ZNF706: variants seen among roughly 807,000 people sequenced by gnomAD.
ZNF706 encodes transcriptional regulator ZNF706.
ZNF706 carries 4 observed loss-of-function variants against 9.2 expected under a neutral mutation model. That is an observed-to-expected ratio of 0.43 (90% CI 0.21 to 0.99). The LOEUF is 0.99. ZNF706 is among the 50% of genes least tolerant of loss of function. ZNF706 has a pLI of 0.26. For missense variants in ZNF706, 27 were observed against 87.8 expected (o/e 0.31, Z 2.77); for synonymous variants, 28 against 27.3 (o/e 1.03, Z -0.08).
At position 101,201,528 on chromosome 8, in the gene ZNF706, C is replaced by T. The variant is rs1810554019; in HGVS notation, c.135+79G>A. The stretch of plus-strand genomic sequence containing the variant: ...TATTTCATGTAAAGCATCTATTTTG[C>T]CATGGTTTCAAAATTTTAATCTATT... On this transcript the variant is annotated intron_variant, in intron 2 of 3. Transcript: ENST00000311212. This position sits in a 1 kb window ranked among gnomAD's most constrained non-coding sequence, Gnocchi z 4.5. 1 of 1,299,608 alleles carries T rather than the reference C, an allele frequency of 7.7e-7. No homozygotes were observed. Among genetic ancestry groups the T allele is most frequent in the Non-Finnish European group, 1.1e-6 (1 of 938,732 alleles). The allele number at this position is 1,299,608 out of a possible 1,614,324, so 80.5% of individuals were successfully genotyped here.
At position 101,198,747 on chromosome 8, in the gene ZNF706, T is replaced by G. The variant is rs970558312; in HGVS notation, c.*505A>C. On this transcript the variant is annotated 3_prime_UTR_variant, in exon 4 of 4. Coordinates refer to ENST00000311212, the MANE Select transcript of ZNF706 (RefSeq NM_016096.5). Reference sequence around the variant, plus strand: ...GTCATTTTTCACCTAGATCATCAGCTGCCCATAAAATCGTATGCACAATTT... The same window carrying G: ...GTCATTTTTCACCTAGATCATCAGCGGCCCATAAAATCGTATGCACAATTT... 6.5e-6 allele frequency: 1 copy of G among 153,396 alleles called. No homozygotes were observed. The highest frequency in any genetic ancestry group is 2.4e-5 in the African/African-American group (1 of 41,470). 9.5% of individuals were successfully genotyped at this position (153,396 alleles called of 1,614,324 possible). A position where few individuals can be genotyped will look rare whatever the true frequency, so the allele number is the denominator to read the frequency against.
In ZNF706 at chr8:101,201,532, G is replaced by C. The variant is rs900432102; in HGVS notation, c.135+75C>G. ...TCATGTAAAGCATCTATTTTGCCAT[G>C]GTTTCAAAATTTTAATCTATTCAAG... On this transcript the variant is annotated intron_variant, in intron 2 of 3. Coordinates refer to ENST00000311212, the MANE Select transcript of ZNF706 (RefSeq NM_016096.5). This position sits in a 1 kb window ranked among gnomAD's most constrained non-coding sequence, Gnocchi z 4.5. 1 of 1,346,574 alleles carries C rather than the reference G, an allele frequency of 7.4e-7. No individual in the cohort carries two copies. The highest frequency in any genetic ancestry group is 1.5e-5 in the African/African-American group (1 of 67,534). 83.4% of individuals were successfully genotyped at this position (1,346,574 alleles called of 1,614,324 possible).
intron 1 of ZNF706, chr8:101,204,729 A>G: frequency 1.0e-6 from 1 of 985,480 alleles, no homozygotes; most frequent in Non-Finnish European, 1.2e-6. Context: ...AACGAGTTCT[A>G]AAATGAGGCG....
Position 101,199,196 on chromosome 8 carries a change from T to G in ZNF706, c.*56A>C. On this transcript the variant is annotated 3_prime_UTR_variant, in exon 4 of 4. Transcript: ENST00000311212. ...GAAAAGCAGCTGCAGGTATGTTACC[T>G]AAGGTCTGAGACAGTAGAAGAGTCA... is the stretch of plus-strand genomic sequence containing the variant. 1 of 699,078 alleles carries G rather than the reference T, an allele frequency of 1.4e-6. No homozygotes were observed. 43.3% of individuals were successfully genotyped at this position (699,078 alleles called of 1,614,324 possible).
chr8:101,201,553 T>A lies in ZNF706; in HGVS notation c.135+54A>T. The A allele has an allele frequency of 1.9e-6, 3 of 1,560,784 alleles. No homozygotes were observed. The South Asian group carries it at 3.6e-5, about 19-fold the overall frequency. ...CCATGGTTTCAAAATTTTAATCTAT[T>A]CAAGCCAAAACTGCCCACGGGAGAG... is the stretch of plus-strand genomic sequence containing the variant. On this transcript the variant is annotated intron_variant, in intron 2 of 3. Transcript: ENST00000311212. The surrounding 1 kb of genome is among the most constrained non-coding windows in gnomAD (Gnocchi z 4.5).
At chr8:101,200,303 G>A (rs1189007292) in intron 2 of ZNF706, 1 of 473,360 alleles carries the variant, frequency 2.1e-6, no homozygotes, top group Non-Finnish European at 3.9e-6. Flanking sequence ...AGAAAGGTAG[G>A]TCACATAGAA....
chr8:101,204,204 T>C (rs1810667794), intron 1 of ZNF706: 1 of 152,260 alleles, frequency 6.6e-6, no homozygotes, highest in Admixed American at 6.5e-5. Context: ...TATTTCCATG[T>C]TGTGACTCGT....
chr8:101,205,759 C>G (rs1586271421), upstream of ZNF706: 1 of 153,166 alleles, frequency 6.5e-6, no homozygotes, highest in East Asian at 1.9e-4. The surrounding 1 kb of genome is among the most constrained non-coding windows in gnomAD (Gnocchi z 6.6). Context: ...GCCCCCACCC[C>G]GCTCGCACGC....
intron 2 of ZNF706, chr8:101,200,309 T>C (rs1222638665): frequency 8.7e-6 from 4 of 461,632 alleles, no homozygotes; most frequent in Non-Finnish European, 1.6e-5. Context: ...GTAGGTCACA[T>C]AGAATGTATT....
chr8:101,204,975 G>C (rs998853625), intron 1 of ZNF706: 41 of 982,696 alleles, frequency 4.2e-5, no homozygotes, highest in Non-Finnish European at 5.0e-5. Flanking sequence ...ACACTTCTCC[G>C]ACCCCAGCTT....
chr8:101,204,858 G>C, intron 1 of ZNF706: 1 of 985,604 alleles, frequency 1.0e-6, no homozygotes, highest in Non-Finnish European at 1.2e-6. Context: ...CATAACCATC[G>C]GAAAGGAAGA....
At chr8:101,199,882 G>A (rs1022048005) in intron 3 of ZNF706, 108 bp downstream of exon 3, 1 of 734,738 alleles carries the variant, frequency 1.4e-6, no homozygotes, top group African/African-American at 1.8e-5. Flanking sequence ...AAAAGGGGAA[G>A]CAATAAAATC....
chr8:101,199,346 A>C (rs917820197), intron 3 of ZNF706, 107 bp from the exon 4 acceptor site: 2 of 654,780 alleles, frequency 3.1e-6, no homozygotes, highest in African/African-American at 3.6e-5. Flanking sequence ...ATATCTGGTA[A>C]ACTTGTCAAC....
In ZNF706 at chr8:101,200,050, C is replaced by T. The variant is rs1810503659; in HGVS notation, c.183G>A (p.Lys61=). Residue 61 remains lysine (K), a synonymous_variant, in exon 3 of 4, where the codon AAG becomes AAA. Coordinates refer to ENST00000311212, the MANE Select transcript of ZNF706 (RefSeq NM_016096.5). ...CTGGAGGAAGTGGAGTCTTAGGATG[C>T]TTGCTCTCAAAGTGCTGCTTGAAGG... The part of the protein sequence containing the change: ...PKTFKQHFES[K]HPKTPLPPEL... 3.7e-6 allele frequency: 6 copies of T among 1,612,278 alleles called. No individual in the cohort carries two copies. The highest frequency in any genetic ancestry group is 4.2e-6 in the Non-Finnish European group (5 of 1,179,672).
In ZNF706 at chr8:101,201,083, C is replaced by T; in HGVS notation, c.135+524G>A. The T allele has an allele frequency of 6.1e-6, 1 of 162,898 alleles. No individual in the cohort carries two copies. The highest frequency in any genetic ancestry group is 1.4e-5 in the Non-Finnish European group (1 of 73,066). The allele number at this position is 162,898 out of a possible 1,614,324, so 10.1% of individuals were successfully genotyped here. A position where few individuals can be genotyped will look rare whatever the true frequency, so the allele number is the denominator to read the frequency against. On this transcript the variant is annotated intron_variant, in intron 2 of 3. Transcript: ENST00000311212. This position sits in a 1 kb window ranked among gnomAD's most constrained non-coding sequence, Gnocchi z 4.5. ...TAAATAGGTGAATACATGTAAAACA[C>T]CTGGCTCTATGTGTGGCATATGGTA...
rs1457504326 is a variant in ZNF706, at chr8:101,201,758, T to C, written c.-2-15A>G. 4 of 1,613,730 alleles carry C rather than the reference T, an allele frequency of 2.5e-6. No homozygotes were observed. In the African/African-American group the frequency reaches 4.0e-5, roughly 16 times the overall value. On this transcript the variant is annotated splice_polypyrimidine_tract_variant and intron_variant, in intron 1 of 3. Coordinates refer to ENST00000311212, the MANE Select transcript of ZNF706 (RefSeq NM_016096.5). The surrounding 1 kb of genome is among the most constrained non-coding windows in gnomAD (Gnocchi z 4.5). ...ACGAGCCATATCTAAAAACAGAAGG[T>C]GAAGCATTAGAGTGGCTTATTTACT...
At chr8:101,203,973 T>C (rs962433425) in intron 1 of ZNF706, 1 of 152,220 alleles carries the variant, frequency 6.6e-6, no homozygotes, top group East Asian at 1.9e-4. Context: ...TGTATACCAA[T>C]GTTTTGCAAG....
Position 101,198,507 on chromosome 8 carries a change from T to C in ZNF706, c.*745A>G, listed in dbSNP as rs567624796. 6.6e-6 allele frequency: 1 copy of C among 152,324 alleles called. No homozygotes were observed. Among genetic ancestry groups the C allele is most frequent in the African/African-American group, 2.4e-5 (1 of 41,584 alleles). 9.4% of individuals were successfully genotyped at this position (152,324 alleles called of 1,614,324 possible). ...TGCATTAAACAATAGGCTTAATGAT[T>C]ATTTCATTACGGCATATACATTAGA... On this transcript the variant is annotated 3_prime_UTR_variant, in exon 4 of 4. Coordinates refer to ENST00000311212, the MANE Select transcript of ZNF706 (RefSeq NM_016096.5).
chr8:101,201,019 C>A lies in ZNF706; in HGVS notation c.135+588G>T, dbSNP rs1211042765. Reference sequence around the variant, plus strand: ...AGTTTACTCTTCTGTAAAATGAGAACAATAAAAGTACTTTATCTTATAGGG... The same window carrying A: ...AGTTTACTCTTCTGTAAAATGAGAAAAATAAAAGTACTTTATCTTATAGGG... On this transcript the variant is annotated intron_variant, in intron 2 of 3. Transcript: ENST00000311212. The surrounding 1 kb of genome is among the most constrained non-coding windows in gnomAD (Gnocchi z 4.5). The A allele has an allele frequency of 4.1e-6, 1 of 246,620 alleles. No homozygotes were observed. The highest frequency in any genetic ancestry group is 8.6e-6 in the Non-Finnish European group (1 of 116,418). 15.3% of individuals were successfully genotyped at this position (246,620 alleles called of 1,614,324 possible).
Sources: allele counts gnomAD v4.1 joint callset, GRCh38; gene constraint gnomAD v4.1.1; non-coding constraint Gnocchi (gnomAD v3.1); transcripts MANE v1.5; gene names NCBI Gene and HGNC (gene_info 2026-07-23, HGNC 2026-07-21).